MTUS2: variants seen among roughly 807,000 people sequenced by gnomAD.
MTUS2 encodes the protein microtubule associated scaffold protein 2, also known as microtubule-associated tumor suppressor candidate 2.
In MTUS2, 40 loss-of-function variants were observed where a neutral mutation model predicts 114.1. The observed-to-expected ratio is 0.35, with a 90% CI of 0.27 to 0.46. The LOEUF (loss-of-function observed/expected upper bound fraction) is 0.46, where lower values mean the gene tolerates loss of function less well. Among genes scored for constraint, MTUS2 ranks in the 20% least tolerant of loss-of-function variants. The probability of loss-of-function intolerance (pLI) is 1.00; values close to 1 mark genes in which losing one functional copy is unlikely to be tolerated. For missense variants in MTUS2, 1,679 were observed against 1,705.4 expected (o/e 0.98, Z 0.27); for synonymous variants, 688 against 672.0 (o/e 1.02, Z -0.37).
In MTUS2 at chr13:29,376,057, GTGTA is replaced by G. The variant is rs575793871; in HGVS notation, c.3117+16586_3117+16589del. Reference sequence around the variant, plus strand: ...TATATATATGTGTGTGTGTGTGTGTGTGTATATATATTTATTTATTTATTTAATG... The same window carrying G: ...TATATATATGTGTGTGTGTGTGTGTGTATATATTTATTTATTTATTTAATG... On this transcript the variant is annotated intron_variant, in intron 8 of 15. Transcript: ENST00000612955. Among the ~76,000 whole-genome samples, 329 of 151,220 alleles carry G rather than the reference GTGTA, an allele frequency of 2.2e-3. 2 individuals carry two copies. The highest frequency in any genetic ancestry group is 7.3e-3 in the African/African-American group (299 of 40,820).
intron 2 of MTUS2, among the ~76,000 whole-genome samples, chr13:28,911,843 A>AT (rs1179294665): frequency 8.2e-6 from 1 of 122,490 alleles, no homozygotes; most frequent in African/African-American, 3.2e-5. Flanking sequence ...CCACTTTTTA[A>AT]TGTTTTTTTT....
chr13:29,093,160 A>T (rs1227177715), intron 4 of MTUS2, among the ~76,000 whole-genome samples: 1 of 152,192 alleles, frequency 6.6e-6, no homozygotes, highest in African/African-American at 2.4e-5. Context: ...ACTATGGAGT[A>T]TTGGCTGGGT....
In MTUS2 at chr13:28,984,575, G is replaced by A. The variant is rs150521981; in HGVS notation, c.-242-39882G>A. ...AGGTCAGCGTGCCTACGATAGAGTT[G>A]TTTGGAAGCCCCGTTCTGGCACTGA... On this transcript the variant is annotated intron_variant, in intron 2 of 15. Coordinates refer to ENST00000612955, the MANE Select transcript of MTUS2 (RefSeq NM_001033602.4). Among the ~76,000 whole-genome samples, 1,140 of 152,284 alleles carry A rather than the reference G, an allele frequency of 7.5e-3. 16 individuals carry two copies. Among genetic ancestry groups the A allele is most frequent in the African/African-American group, 0.026 (1,072 of 41,550 alleles).
At chr13:29,052,867 T>C (rs1328412319) in intron 4 of MTUS2, among the ~76,000 whole-genome samples, 1 of 152,134 alleles carries the variant, frequency 6.6e-6, no homozygotes, top group Non-Finnish European at 1.5e-5. Context: ...GATAATTGAA[T>C]CATGGGGGTG....
At chr13:29,210,391 A>G (rs1245099080) in intron 5 of MTUS2, among the ~76,000 whole-genome samples, 1 of 151,944 alleles carries the variant, frequency 6.6e-6, no homozygotes, top group Non-Finnish European at 1.5e-5. Context: ...CTCCATGTGT[A>G]GCTTCATACT....
chr13:28,970,441 A>G (rs1241753850), intron 2 of MTUS2, among the ~76,000 whole-genome samples: 1 of 152,176 alleles, frequency 6.6e-6, no homozygotes, highest in African/African-American at 2.4e-5. Flanking sequence ...GAACACAACC[A>G]CCATCGTTCA....
chr13:29,069,761 G>GC (rs2138680653), intron 4 of MTUS2, among the ~76,000 whole-genome samples: 1 of 152,310 alleles, frequency 6.6e-6, no homozygotes, highest in South Asian at 2.1e-4. Context: ...GAAGCGTATG[G>GC]CCCTTGCAAT....
In MTUS2 at chr13:29,296,268, A is replaced by G. The variant is rs560930626; in HGVS notation, c.2806+14403A>G. 2.0e-4 allele frequency among the ~76,000 whole-genome samples: 30 copies of G among 152,162 alleles called. No homozygotes were observed. The South Asian group carries it at 6.2e-3, about 32-fold the overall frequency. ...CACTCTGTCACCCAGGCTGGAGTGC[A>G]GTGGTGCGATTATGGCTCACTGCAG... On this transcript the variant is annotated intron_variant, in intron 6 of 15. Transcript: ENST00000612955.
At chr13:29,410,587 T>C (rs984694600) in intron 8 of MTUS2, among the ~76,000 whole-genome samples, 1 of 152,210 alleles carries the variant, frequency 6.6e-6, no homozygotes, top group African/African-American at 2.4e-5. Context: ...TTTTTGATCC[T>C]TGGTTTTGTC....
chr13:29,210,080 TA>T (rs1895361131), intron 5 of MTUS2, among the ~76,000 whole-genome samples: 1 of 152,218 alleles, frequency 6.6e-6, no homozygotes, highest in South Asian at 2.1e-4. Context: ...GTTTGGTCAT[TA>T]AACATAATCC....
chr13:29,392,103 G>A (rs192451573), intron 8 of MTUS2, among the ~76,000 whole-genome samples: 1 of 147,226 alleles, frequency 6.8e-6, no homozygotes, highest in Non-Finnish European at 1.5e-5. Context: ...AATCCAGCCT[G>A]GGCGACAGAG....
chr13:28,995,155 G>T (rs972559727), intron 2 of MTUS2, among the ~76,000 whole-genome samples: 3 of 152,152 alleles, frequency 2.0e-5, no homozygotes, highest in Admixed American at 2.0e-4. Flanking sequence ...TATTAAATAG[G>T]GAATCATTTC....
chr13:29,431,718 G>A (rs1876999221), intron 8 of MTUS2, among the ~76,000 whole-genome samples: 1 of 152,198 alleles, frequency 6.6e-6, no homozygotes, highest in Non-Finnish European at 1.5e-5. Flanking sequence ...AGGTCTTTTA[G>A]CCTCATTTTA....
intron 12 of MTUS2, among the ~76,000 whole-genome samples, chr13:29,494,618 C>T (rs1282180714): frequency 6.6e-6 from 1 of 151,992 alleles, no homozygotes; most frequent in Non-Finnish European, 1.5e-5. Context: ...AGGTCACCTG[C>T]TACACTGCCC....
intron 2 of MTUS2, among the ~76,000 whole-genome samples, chr13:28,870,059 A>G (rs1349965259): frequency 6.6e-6 from 1 of 152,208 alleles, no homozygotes; most frequent in Non-Finnish European, 1.5e-5. Flanking sequence ...TATATCATGT[A>G]TAGTGATCAG....
intron 3 of MTUS2, among the ~76,000 whole-genome samples, chr13:29,031,370 T>C (rs1031088002): frequency 2.5e-4 from 38 of 152,124 alleles, no homozygotes; most frequent in African/African-American, 8.9e-4. Context: ...GAGACAGATA[T>C]AGATGTATAT....
At chr13:28,926,665 T>C (rs1304615837) in intron 2 of MTUS2, among the ~76,000 whole-genome samples, 1 of 152,232 alleles carries the variant, frequency 6.6e-6, no homozygotes, top group African/African-American at 2.4e-5. Flanking sequence ...CGTACAGGCT[T>C]AATTTTGGTA....
intron 8 of MTUS2, among the ~76,000 whole-genome samples, chr13:29,399,085 C>T (rs923970834): frequency 2.6e-5 from 4 of 152,046 alleles, no homozygotes; most frequent in African/African-American, 9.7e-5. Flanking sequence ...TGCTGGGTGC[C>T]CATTTTTATG....
intron 8 of MTUS2, among the ~76,000 whole-genome samples, chr13:29,373,651 T>G (rs1451404052): frequency 2.0e-5 from 3 of 152,146 alleles, no homozygotes; most frequent in Non-Finnish European, 4.4e-5. Context: ...CTAATAGTAC[T>G]TCAAAAGCTT....
Sources: allele counts gnomAD v4.1 joint callset (sites outside exome capture counted in the v4.1 genomes callset), GRCh38; gene constraint gnomAD v4.1.1; transcripts MANE v1.5; gene names NCBI Gene and HGNC (gene_info 2026-07-23, HGNC 2026-07-21).